Variants in PARP4 observed in about 807,000 individuals in gnomAD.
PARP4 encodes poly(ADP-ribose) polymerase family member 4, also known as protein mono-ADP-ribosyltransferase PARP4.
Under a neutral mutation model 187.7 loss-of-function variants are expected in PARP4, and 120 were observed. That is an observed-to-expected ratio of 0.64 (90% CI 0.55 to 0.74). PARP4 has a LOEUF of 0.74. PARP4 is among the 30% of genes least tolerant of loss of function. The pLI, the probability that PARP4 is intolerant of heterozygous loss-of-function variation, is 0.00. For missense variants in PARP4, 1,836 were observed against 2,070.5 expected, an observed-to-expected ratio of 0.89 and a Z score of 2.20; for synonymous variants, 654 against 740.9, an observed-to-expected ratio of 0.88 and a Z score of 1.90.
chr13:24,505,854 G>C (rs1020596003), intron 1 of PARP4, among the ~76,000 whole-genome samples: 1 of 152,236 alleles, frequency 6.6e-6, no homozygotes, highest in Non-Finnish European at 1.5e-5. Context: ...TGAGGATCGC[G>C]GTTCCGGGTC....
chr13:24,470,155 C>T (rs1872670545), intron 15 of PARP4, 130 bp from the exon 16 acceptor site: 1 of 802,862 alleles, frequency 1.2e-6, no homozygotes, highest in Non-Finnish European at 1.9e-6. Flanking sequence ...CCCTCAAATT[C>T]CCAACCCTGG....
At chr13:24,510,579 C>G (rs1869962610) in intron 1 of PARP4, among the ~76,000 whole-genome samples, 1 of 137,658 alleles carries the variant, frequency 7.3e-6, no homozygotes, top group African/African-American at 2.6e-5. Flanking sequence ...AAAGTGTTCA[C>G]TATTAGAAAT....
In PARP4 at chr13:24,494,678, A is replaced by G; in HGVS notation, c.636T>C (p.Ser212=). Residue 212 remains serine (S), a synonymous_variant, in exon 7 of 34, where the codon AGT becomes AGC. Transcript: ENST00000381989. The part of the protein sequence containing the change: ...FAIKKTSEDA[S]EYFENYIEEL... ...CTTCAATGTAATTTTCAAAGTATTC[A>G]CTTGCATCTTCAGAGGTTTTCTTTA... 1 of 1,609,566 alleles carries G rather than the reference A, an allele frequency of 6.2e-7. No homozygotes were observed. Among genetic ancestry groups the G allele is most frequent in the Middle Eastern group, 1.7e-4 (1 of 6,054 alleles).
chr13:24,454,995 ACCAGGG>A lies in PARP4; in HGVS notation c.2758+16_2758+21del. 6.5e-7 allele frequency: 1 copy of A among 1,546,870 alleles called. No individual in the cohort carries two copies. The highest frequency in any genetic ancestry group is 1.2e-5 in the South Asian group (1 of 83,602). On this transcript the variant is annotated intron_variant, in intron 22 of 33. Coordinates refer to ENST00000381989, the MANE Select transcript of PARP4 (RefSeq NM_006437.4). ...CACATGTAGGGGAAGCACACGCAGG[ACCAGGG>A]CCAAAGCGCACTCACCTGTGCCGAA... is the stretch of plus-strand genomic sequence containing the variant.
chr13:24,471,924 A>C (rs780426888), intron 15 of PARP4, among the ~76,000 whole-genome samples: 8 of 152,222 alleles, frequency 5.3e-5, no homozygotes, highest in Non-Finnish European at 1.0e-4. Context: ...CATGAGGAAA[A>C]CGAGGCAAAA....
At chr13:24,438,778 A>G (rs939227247) in intron 30 of PARP4, among the ~76,000 whole-genome samples, 59 of 152,184 alleles carry the variant, frequency 3.9e-4, no homozygotes, top group African/African-American at 1.4e-3. Context: ...AGATGTATCA[A>G]ATAAGGAAAT....
chr13:24,450,139 T>C (rs192206437), intron 24 of PARP4, among the ~76,000 whole-genome samples: 1 of 152,234 alleles, frequency 6.6e-6, no homozygotes, highest in African/African-American at 2.4e-5. Flanking sequence ...CTGACAAAGA[T>C]ATCAACTTAA....
chr13:24,474,271 C>T (rs1166692431), intron 15 of PARP4, among the ~76,000 whole-genome samples: 1 of 151,808 alleles, frequency 6.6e-6, no homozygotes, highest in African/African-American at 2.4e-5. Context: ...ACCCCCACTG[C>T]AAACCTTCTT....
At chr13:24,458,982 G>T in intron 20 of PARP4, 62 bp downstream of exon 20, 1 of 1,162,386 alleles carries the variant, frequency 8.6e-7, no homozygotes, top group Non-Finnish European at 1.3e-6. Context: ...TGCATACATT[G>T]CTTTGATAAG....
In PARP4 at chr13:24,489,210, T is replaced by C. The variant is rs552246358; in HGVS notation, c.1214+1458A>G. ...CTTATCGTAATCAAGTTTAATTTGT[T>C]GAGGAATCATCTAACGCAGGCTGCA... On this transcript the variant is annotated intron_variant, in intron 10 of 33. Transcript: ENST00000381989. Among the ~76,000 whole-genome samples, 7 of 152,330 alleles carry C rather than the reference T, an allele frequency of 4.6e-5. No individual in the cohort carries two copies. In the South Asian group the frequency reaches 1.0e-3, roughly 23 times the overall value.
intron 33 of PARP4, among the ~76,000 whole-genome samples, chr13:24,423,589 A>T (rs1869865711): frequency 6.6e-6 from 1 of 152,174 alleles, no homozygotes; most frequent in Non-Finnish European, 1.5e-5. Context: ...CAAAATAGAA[A>T]AACAAAATAA....
chr13:24,502,061 C>T (rs868841547), intron 2 of PARP4, among the ~76,000 whole-genome samples: 8 of 152,122 alleles, frequency 5.3e-5, no homozygotes, highest in African/African-American at 1.9e-4. Flanking sequence ...TTGATTAACC[C>T]TAGAGGTTAT....
In PARP4 at chr13:24,435,284, T is replaced by C; in HGVS notation, c.3857A>G (p.Asp1286Gly). ...LERGGVEKLLDLSWTESCKPT... is the reference protein window; with the variant it reads ...LERGGVEKLLGLSWTESCKPT... The stretch of plus-strand genomic sequence containing the variant: ...TTTACATGACTCTGTCCAACTTAAA[T>C]CCAATAGCTTTTCCACACCTCCACG... The change falls in exon 31 of 34, where the codon GAT (aspartate) becomes GGT (glycine). Residue 1286 changes from aspartate to glycine, a missense_variant. This residue lies in a region of PARP4 where 450 missense variants were observed against 439.2 expected (regional missense o/e 1.02). Transcript: ENST00000381989. 6.2e-7 allele frequency: 1 copy of C among 1,613,174 alleles called. No individual in the cohort carries two copies. The highest frequency in any genetic ancestry group is 1.1e-5 in the South Asian group (1 of 91,024).
intron 20 of PARP4, among the ~76,000 whole-genome samples, chr13:24,456,710 C>T (rs1052729449): frequency 6.6e-6 from 1 of 152,042 alleles, no homozygotes; most frequent in African/African-American, 2.4e-5. Flanking sequence ...GCCAGCCTGG[C>T]CAACATGGTG....
At chr13:24,480,483 G>C (rs1468679461) in intron 12 of PARP4, among the ~76,000 whole-genome samples, 1 of 152,214 alleles carries the variant, frequency 6.6e-6, no homozygotes, top group Non-Finnish European at 1.5e-5. Context: ...ACCAAGACAG[G>C]CTGAAAGCTA....
intron 2 of PARP4, among the ~76,000 whole-genome samples, chr13:24,502,038 G>A (rs902322874): frequency 2.0e-5 from 3 of 152,242 alleles, no homozygotes; most frequent in East Asian, 1.9e-4. Flanking sequence ...ATATGGCTAC[G>A]AATGCACCAT....
rs1455946038 is a variant in PARP4 at position 24,493,567 on chromosome 13, C to G, written c.879+29G>C. The G allele has an allele frequency of 3.2e-6, 5 of 1,586,872 alleles. No individual in the cohort carries two copies. In the South Asian group the frequency reaches 3.4e-5, roughly 11 times the overall value. On this transcript the variant is annotated intron_variant, in intron 8 of 33. Coordinates refer to ENST00000381989, the MANE Select transcript of PARP4 (RefSeq NM_006437.4). ...AATCAACCAGGAGGCAGATTTTTCA[C>G]ATTCTGTTTCAGCGACACACCAACT... is the stretch of plus-strand genomic sequence containing the variant.
At chr13:24,433,274 T>A (rs1052814958) in intron 31 of PARP4, among the ~76,000 whole-genome samples, 5 of 152,148 alleles carry the variant, frequency 3.3e-5, no homozygotes, top group Non-Finnish European at 7.4e-5. Context: ...CACCATCTGT[T>A]TCTTTGTTGG....
At position 24,452,561 on chromosome 13, in the gene PARP4, G is replaced by C. The variant is rs777197878; in HGVS notation, c.2859C>G (p.Phe953Leu). 6.2e-7 allele frequency: 1 copy of C among 1,614,010 alleles called. No homozygotes were observed. Among genetic ancestry groups the C allele is most frequent in the Admixed American group, 1.7e-5 (1 of 60,012 alleles). The change falls in exon 24 of 34, where the codon TTC becomes TTG. Residue 953 changes from phenylalanine to leucine, a missense_variant. Physicochemically the swap from Phe to Leu is conservative, Grantham distance 22 (BLOSUM62 0). Around this residue, in one of 8 missense-constraint regions of PARP4, gnomAD observed 1,147 missense variants for 1,214.2 expected, o/e 0.94. Transcript: ENST00000381989. ...AGCTAAGATATCGGAGTGTTTTCCAGAAGTCTGTGTTCCCCATGGTAGGTG... is the reference window on the plus strand; with the variant it reads ...AGCTAAGATATCGGAGTGTTTTCCACAAGTCTGTGTTCCCCATGGTAGGTG... ...SATPTMGNTD[F>L]WKTLRYLSLL... is the part of the protein sequence containing the mutation.
Sources: allele counts gnomAD v4.1 joint callset (sites outside exome capture counted in the v4.1 genomes callset), GRCh38; gene constraint gnomAD v4.1.1; regional missense constraint gnomAD v4.1.1; transcripts MANE v1.5; gene names NCBI Gene and HGNC (gene_info 2026-07-23, HGNC 2026-07-21).